Variants in MAF observed in about 807,000 individuals in gnomAD.
The protein encoded by MAF is transcription factor Maf.
In MAF, 10 loss-of-function variants were observed where a neutral mutation model predicts 22.0. The observed-to-expected ratio is 0.45, with a 90% confidence interval of 0.28 to 0.77. MAF has a LOEUF of 0.77. Ranked by LOEUF, MAF falls within the 30% of genes least tolerant of loss-of-function variation. The probability of loss-of-function intolerance (pLI) is 0.12; values close to 1 mark genes in which losing one functional copy is unlikely to be tolerated. For missense variants in MAF, 544 were observed against 548.4 expected (o/e 0.99, Z 0.08); for synonymous variants, 337 against 255.8 (o/e 1.32, Z -3.03).
At chr16:79,502,870 G>T in the MAF span, among the ~76,000 whole-genome samples, 2 of 149,584 alleles carry the variant, frequency 1.3e-5, no homozygotes, top group South Asian at 2.1e-4. Flanking sequence ...TCTCTTTAAC[G>T]TGGTGGTTAC....
the MAF span, among the ~76,000 whole-genome samples, chr16:79,525,757 G>C: frequency 6.6e-6 from 1 of 152,148 alleles, no homozygotes; most frequent in East Asian, 1.9e-4. Context: ...GGCATTCTAG[G>C]AAAATTTAAC....
chr16:79,428,855 T>A, the MAF span, among the ~76,000 whole-genome samples: 3 of 144,556 alleles, frequency 2.1e-5, no homozygotes, highest in Non-Finnish European at 4.7e-5. Context: ...AGAAAAATAA[T>A]AATAATAATA....
At chr16:79,253,038 T>G in the MAF span, among the ~76,000 whole-genome samples, 2 of 152,212 alleles carry the variant, frequency 1.3e-5, no homozygotes, top group East Asian at 1.9e-4. Context: ...ATTGTGCAGA[T>G]TAAATGAGAT....
chr16:79,498,813 A>T, the MAF span, among the ~76,000 whole-genome samples: 1 of 152,200 alleles, frequency 6.6e-6, no homozygotes, highest in Non-Finnish European at 1.5e-5. Context: ...AAAGCTAAGG[A>T]TACTCTGGTA....
chr16:79,422,167 TGA>T, the MAF span, among the ~76,000 whole-genome samples: 1 of 152,206 alleles, frequency 6.6e-6, no homozygotes, highest in Non-Finnish European at 1.5e-5. Flanking sequence ...AAATGAAGCC[TGA>T]GCTGATGTGT....
chr16:79,366,807 A>C, the MAF span, among the ~76,000 whole-genome samples: 1 of 152,250 alleles, frequency 6.6e-6, no homozygotes, highest in African/African-American at 2.4e-5. Context: ...ACATTTATTT[A>C]AGCCCTTGAG....
At chr16:79,501,802 T>C in the MAF span, among the ~76,000 whole-genome samples, 1 of 152,222 alleles carries the variant, frequency 6.6e-6, no homozygotes, top group Non-Finnish European at 1.5e-5. Context: ...GTGTTTTAAA[T>C]GGAAAAGAAA....
At chr16:79,536,837 G>C in the MAF span, among the ~76,000 whole-genome samples, 3 of 152,274 alleles carry the variant, frequency 2.0e-5, no homozygotes, top group African/African-American at 7.2e-5. Context: ...GAAGATGTGT[G>C]TAAGTTATAT....
chr16:79,570,385 T>C, the MAF span, among the ~76,000 whole-genome samples: 1 of 152,096 alleles, frequency 6.6e-6, no homozygotes, highest in Non-Finnish European at 1.5e-5. Flanking sequence ...AACCCAGCCA[T>C]GTTCCCTCCT....
chr16:79,227,304 T>C, the MAF span, among the ~76,000 whole-genome samples: 2 of 152,080 alleles, frequency 1.3e-5, no homozygotes, highest in Non-Finnish European at 2.9e-5. Context: ...TGAGCCTTGA[T>C]TGTGCCACTG....
chr16:79,454,432 A>G, the MAF span, among the ~76,000 whole-genome samples: 1 of 152,202 alleles, frequency 6.6e-6, no homozygotes, highest in Non-Finnish European at 1.5e-5. Flanking sequence ...ATTGGTCTTG[A>G]TTACTTGTCA....
chr16:79,315,386 G>T, the MAF span, among the ~76,000 whole-genome samples: 2 of 152,106 alleles, frequency 1.3e-5, no homozygotes, highest in South Asian at 2.1e-4. Flanking sequence ...AATGCTAAGA[G>T]AAACTAACAT....
the MAF span, among the ~76,000 whole-genome samples, chr16:79,402,601 G>A: frequency 2.0e-5 from 3 of 152,238 alleles, no homozygotes; most frequent in African/African-American, 7.2e-5. Context: ...GAGGCCAGAG[G>A]AAGGCCAAGG....
At chr16:79,548,683 C>G in the MAF span, among the ~76,000 whole-genome samples, 1 of 152,140 alleles carries the variant, frequency 6.6e-6, no homozygotes, top group African/African-American at 2.4e-5. Context: ...TTCTTCAGAG[C>G]TTCCCTGCAG....
the MAF span, among the ~76,000 whole-genome samples, chr16:79,217,249 T>C: frequency 2.0e-5 from 3 of 152,226 alleles, no homozygotes; most frequent in Admixed American, 6.5e-5. Flanking sequence ...TCATAGCTGG[T>C]AGACAGCAGA....
In MAF at chr16:79,600,092, C is replaced by T. The variant is rs1913925951; in HGVS notation, c.-190G>A. On this transcript the variant is annotated 5_prime_UTR_variant, in exon 1 of 2. Transcript: ENST00000326043. ...CACACACCCCCCCGCCCTGCCCGCG[C>T]CCCCCGCGCCCGCCCTCCCTCCCCC... 5 of 651,642 alleles carry T rather than the reference C, an allele frequency of 7.7e-6. No individual in the cohort carries two copies. Among genetic ancestry groups the T allele is most frequent in the Middle Eastern group, 8.8e-4 (2 of 2,278 alleles). The allele number at this position is 651,642 out of a possible 1,614,324, so 40.4% of individuals were successfully genotyped here.
chr16:79,244,150 C>T, the MAF span, among the ~76,000 whole-genome samples: 11 of 151,952 alleles, frequency 7.2e-5, no homozygotes, highest in African/African-American at 1.7e-4. Context: ...TTTTGAAAAC[C>T]GGCACAAGAC....
At chr16:79,428,096 T>TA in the MAF span, among the ~76,000 whole-genome samples, 3,880 of 104,074 alleles carry the variant, frequency 0.037, 277 homozygotes, top group African/African-American at 0.13. Context: ...CGACTCAAAT[T>TA]AAAAAAAAAA....
At chr16:79,497,530 T>A in the MAF span, among the ~76,000 whole-genome samples, 1 of 152,168 alleles carries the variant, frequency 6.6e-6, no homozygotes, top group African/African-American at 2.4e-5. Context: ...CTTTTTTAAT[T>A]TGCCTTGCCA....
Sources: gnomAD v4.1 joint callset for allele counts (sites outside exome capture counted in the v4.1 genomes callset) on GRCh38, gnomAD v4.1.1 for gene constraint, MANE v1.5 for transcripts, NCBI Gene and HGNC (gene_info 2026-07-23, HGNC 2026-07-21) for gene names.